SND1: variants seen among roughly 807,000 people sequenced by gnomAD.
The protein encoded by SND1 is staphylococcal nuclease and tudor domain containing 1.
SND1 carries 38 observed loss-of-function variants against 121.7 expected under a neutral mutation model. The observed-to-expected ratio is 0.31, with a 90% confidence interval of 0.24 to 0.41. The LOEUF is 0.41. SND1 is among the 10% of genes least tolerant of loss of function. SND1 has a pLI of 1.00. For synonymous variants in SND1, 401 were observed against 447.4 expected (o/e 0.90, Z 1.31); for missense variants, 868 against 1,184.6 (o/e 0.73, Z 3.92).
chr7:127,766,547 G>A (rs1158815184), intron 10 of SND1, among the ~76,000 whole-genome samples: 15 of 151,956 alleles, frequency 9.9e-5, no homozygotes, highest in Non-Finnish European at 5.9e-5. Context: ...AGGCCAAGGC[G>A]GGCGAATCAC....
chr7:127,723,208 G>A (rs764864748), intron 10 of SND1, among the ~76,000 whole-genome samples: 2 of 152,122 alleles, frequency 1.3e-5, no homozygotes, highest in Non-Finnish European at 1.5e-5. Flanking sequence ...ACCTACTACT[G>A]AGTATTTTTA....
Position 128,028,594 on chromosome 7 carries a change from G to A in SND1, c.1779+37538G>A, listed in dbSNP as rs1584746931. 2.3e-6 allele frequency: 3 copies of A among 1,294,842 alleles called. No homozygotes were observed. In the East Asian group the frequency reaches 7.0e-5, roughly 30 times the overall value. The allele number at this position is 1,294,842 out of a possible 1,614,324, so 80.2% of individuals were successfully genotyped here. A position where few individuals can be genotyped will look rare whatever the true frequency, so the allele number is the denominator to read the frequency against. On this transcript the variant is annotated intron_variant, in intron 16 of 23. Coordinates refer to ENST00000354725, the MANE Select transcript of SND1 (RefSeq NM_014390.4). Reference sequence around the variant, plus strand: ...AGACTTAATATATAAGCATATACAAGAAAAAGTCTCTCCCCACTCTGTACA... The same window carrying A: ...AGACTTAATATATAAGCATATACAAAAAAAAGTCTCTCCCCACTCTGTACA...
intron 10 of SND1, among the ~76,000 whole-genome samples, chr7:127,726,640 C>T (rs1360600895): frequency 6.6e-6 from 1 of 152,112 alleles, no homozygotes; most frequent in Admixed American, 6.5e-5. Flanking sequence ...TGCTCTATTG[C>T]CCAGGGCTGC....
chr7:128,008,009 A>G (rs1334925376), intron 16 of SND1: 2 of 152,208 alleles, frequency 1.3e-5, no homozygotes, highest in Non-Finnish European at 2.9e-5. Context: ...TTCCTACTGT[A>G]TTGCTCTTAC....
chr7:127,726,770 A>G (rs1305246372), intron 10 of SND1, among the ~76,000 whole-genome samples: 1 of 152,228 alleles, frequency 6.6e-6, no homozygotes, highest in Non-Finnish European at 1.5e-5. Flanking sequence ...GTAGTTGACT[A>G]AGAGATACAG....
At chr7:127,892,232 G>A (rs1377150567) in intron 13 of SND1, among the ~76,000 whole-genome samples, 1 of 152,124 alleles carries the variant, frequency 6.6e-6, no homozygotes, top group African/African-American at 2.4e-5. Flanking sequence ...GGGCTCTGCA[G>A]CCCCTACTTC....
intron 11 of SND1, among the ~76,000 whole-genome samples, chr7:127,818,918 G>A (rs1421779269): frequency 1.3e-5 from 2 of 152,236 alleles, no homozygotes; most frequent in Non-Finnish European, 2.9e-5. Context: ...TGGTGAGATG[G>A]TGTCACGTGC....
chr7:127,732,241 T>C (rs1195276658), intron 10 of SND1, among the ~76,000 whole-genome samples: 1 of 152,260 alleles, frequency 6.6e-6, no homozygotes, highest in Non-Finnish European at 1.5e-5. Flanking sequence ...CTCCTGCTAC[T>C]TTAGTTGTCA....
At chr7:127,963,077 C>T (rs1353561509) in intron 15 of SND1, among the ~76,000 whole-genome samples, 2 of 152,090 alleles carry the variant, frequency 1.3e-5, no homozygotes, top group Non-Finnish European at 2.9e-5. Context: ...AGTTGTTAAA[C>T]AGCCTTTGGC....
rs760337916 is a variant in SND1, at chr7:127,929,267, G to A, written c.1607G>A (p.Ser536Asn). 1 of 1,614,110 alleles carries A rather than the reference G, an allele frequency of 6.2e-7. No individual in the cohort carries two copies. The highest frequency in any genetic ancestry group is 8.5e-7 in the Non-Finnish European group (1 of 1,179,962). ...RSEAVVEYVFSGSRLKLYLPK... is the reference protein window; with the variant it reads ...RSEAVVEYVFNGSRLKLYLPK... ...GAAGCTGTGGTGGAATACGTCTTCAGTGGTTCTCGTCTCAAACTCTATTTG... is the reference window on the plus strand; with the variant it reads ...GAAGCTGTGGTGGAATACGTCTTCAATGGTTCTCGTCTCAAACTCTATTTG... The change falls in exon 15 of 24, where the codon AGT becomes AAT. Residue 536 changes from serine (S) to asparagine (N), a missense_variant. Physicochemically the swap from Ser to Asn is conservative, Grantham distance 46. This residue lies in a region of SND1 where 743 missense variants were observed against 1,071.3 expected (regional missense o/e 0.69). Coordinates refer to ENST00000354725, the MANE Select transcript of SND1 (RefSeq NM_014390.4).
At chr7:128,020,787 G>A (rs1036959981) in intron 16 of SND1, among the ~76,000 whole-genome samples, 4 of 152,182 alleles carry the variant, frequency 2.6e-5, no homozygotes, top group South Asian at 2.1e-4. Context: ...AACAGCAAGC[G>A]CACAGAATGG....
In SND1 at chr7:127,812,462, G is replaced by C. The variant is rs565518826; in HGVS notation, c.1242+4889G>C. Reference sequence around the variant, plus strand: ...CGCCTAAATATACAGACAATGTGAAGTCCTCGATAACATTGCTAAGCCAAT... The same window carrying C: ...CGCCTAAATATACAGACAATGTGAACTCCTCGATAACATTGCTAAGCCAAT... On this transcript the variant is annotated intron_variant, in intron 11 of 23. Coordinates refer to ENST00000354725, the MANE Select transcript of SND1 (RefSeq NM_014390.4). Among the ~76,000 whole-genome samples, 88 of 152,318 alleles carry C rather than the reference G, an allele frequency of 5.8e-4. 1 individual carries two copies. The highest frequency in any genetic ancestry group is 1.9e-3 in the African/African-American group (77 of 41,574).
At chr7:128,027,752 A>G (rs1213985883) in intron 16 of SND1, 1 of 152,254 alleles carries the variant, frequency 6.6e-6, no homozygotes, top group Non-Finnish European at 1.5e-5. Context: ...ACATGGCACA[A>G]TGCTAATTTA....
intron 1 of SND1, among the ~76,000 whole-genome samples, chr7:127,677,759 T>C (rs1795641176): frequency 6.6e-6 from 1 of 150,512 alleles, no homozygotes; most frequent in Non-Finnish European, 1.5e-5. Flanking sequence ...TGTTACATAA[T>C]CTTCTTTTGA....
chr7:127,972,935 G>A lies in SND1; in HGVS notation c.1670-18012G>A, dbSNP rs1415471449. On this transcript the variant is annotated intron_variant, in intron 15 of 23. Transcript: ENST00000354725. ...TCCATGTTACTGGATGTAGCAGAAAGTCATCTTTTTTCATTGCATTATGTA... is the reference window on the plus strand; with the variant it reads ...TCCATGTTACTGGATGTAGCAGAAAATCATCTTTTTTCATTGCATTATGTA... Among the ~76,000 whole-genome samples, 3 of 152,208 alleles carry A rather than the reference G, an allele frequency of 2.0e-5. No individual in the cohort carries two copies. In the East Asian group the frequency reaches 5.8e-4, roughly 29 times the overall value.
chr7:127,983,405 T>C (rs77677649), intron 15 of SND1, among the ~76,000 whole-genome samples: 2 of 152,154 alleles, frequency 1.3e-5, no homozygotes, highest in Non-Finnish European at 1.5e-5. Flanking sequence ...GTCCATAGTT[T>C]CCTATCTGGA....
intron 15 of SND1, chr7:127,949,229 T>G (rs1346824240): frequency 5.3e-5 from 8 of 152,354 alleles, no homozygotes; most frequent in Non-Finnish European, 1.2e-4. Context: ...TGGTAAGTTC[T>G]TGGTGCTCAT....
chr7:127,660,476 T>G (rs2116232337), intron 1 of SND1, among the ~76,000 whole-genome samples: 1 of 152,284 alleles, frequency 6.6e-6, no homozygotes, highest in South Asian at 2.1e-4. Context: ...TAGTTTTGTT[T>G]TCAGATCTTT....
At chr7:128,022,073 G>A (rs1803361233) in intron 16 of SND1, among the ~76,000 whole-genome samples, 1 of 151,826 alleles carries the variant, frequency 6.6e-6, no homozygotes, top group Non-Finnish European at 1.5e-5. Context: ...GCGTGGTGGT[G>A]CGCACCTGTA....
Sources: gnomAD v4.1 joint callset for allele counts (sites outside exome capture counted in the v4.1 genomes callset) on GRCh38, gnomAD v4.1.1 for gene constraint, gnomAD v4.1.1 regional missense constraint, MANE v1.5 for transcripts, NCBI Gene and HGNC (gene_info 2026-07-23, HGNC 2026-07-21) for gene names.